Variants in CLEC2B observed in about 807,000 individuals in gnomAD.
CLEC2B encodes the protein C-type (calcium dependent, carbohydrate-recognition domain) lectin, superfamily member 2 (activation-induced).
CLEC2B carries 14 observed loss-of-function variants against 16.2 expected under a neutral mutation model. The observed-to-expected ratio is 0.86, with a 90% CI of 0.57 to 1.35. CLEC2B has a LOEUF of 1.35. Among genes scored for constraint, CLEC2B ranks in the 40% most tolerant of loss-of-function variants. The pLI, the probability that CLEC2B is intolerant of heterozygous loss-of-function variation, is 0.00. For synonymous variants in CLEC2B, 42 were observed against 55.8 expected, an observed-to-expected ratio of 0.75 and a Z score of 1.10; for missense variants, 166 against 182.3, an observed-to-expected ratio of 0.91 and a Z score of 0.52.
At chr12:9,863,148 C>T (rs533043927) in intron 1 of CLEC2B, among the ~76,000 whole-genome samples, 1 of 152,220 alleles carries the variant, frequency 6.6e-6, no homozygotes, top group African/African-American at 2.4e-5. Context: ...CGTCAGTCTT[C>T]CCACACTACT....
chr12:9,858,030 A>C (rs1032648616), intron 2 of CLEC2B, among the ~76,000 whole-genome samples: 2 of 152,054 alleles, frequency 1.3e-5, no homozygotes, highest in African/African-American at 4.8e-5. Flanking sequence ...ATCTACAAAG[A>C]AGCAACAAAA....
intron 2 of CLEC2B, 29 bp downstream of exon 2, chr12:9,862,470 T>A: frequency 7.0e-7 from 1 of 1,431,600 alleles, no homozygotes; most frequent in East Asian, 2.7e-5. Context: ...TAGAAAGCCA[T>A]GAAAAATAAA....
chr12:9,858,776 G>A (rs999435054), intron 2 of CLEC2B, among the ~76,000 whole-genome samples: 9 of 151,746 alleles, frequency 5.9e-5, no homozygotes, highest in African/African-American at 1.9e-4. Context: ...CTCATGTACT[G>A]TCTAATATAA....
chr12:9,856,092 C>T (rs992355306), intron 3 of CLEC2B, among the ~76,000 whole-genome samples: 21 of 152,076 alleles, frequency 1.4e-4, no homozygotes, highest in African/African-American at 4.6e-4. Context: ...GAAGATTTCT[C>T]TTAAGTTCAA....
intron 2 of CLEC2B, among the ~76,000 whole-genome samples, chr12:9,861,838 A>G (rs554651184): frequency 6.6e-6 from 1 of 152,304 alleles, no homozygotes; most frequent in South Asian, 2.1e-4. Context: ...ATAAAATTTT[A>G]TAATATTTAC....
At chr12:9,854,592 C>A in intron 3 of CLEC2B, 108 bp from the exon 4 acceptor site, 1 of 679,620 alleles carries the variant, frequency 1.5e-6, no homozygotes, top group Admixed American at 2.5e-5. Flanking sequence ...AATTGTTCAA[C>A]TCCTGGCCTC....
Position 9,853,071 on chromosome 12 carries a change from A to AAAAAAGAAAGAAAG in CLEC2B, c.*228_*229insCTTTCTTTCTTTTT, listed in dbSNP as rs1555123290. 96 of 264,980 alleles carry AAAAAAGAAAGAAAG rather than the reference A, an allele frequency of 3.6e-4. 4 individuals carry two copies. The highest frequency in any genetic ancestry group is 5.5e-4 in the Non-Finnish European group (79 of 144,068). The allele number at this position is 264,980 out of a possible 1,614,324, so 16.4% of individuals were successfully genotyped here. ...TTACAGTTAAAAAAAGAAAGAAAGA[A>AAAAAAGAAAGAAAG]AGAAAGAAAGAAAGAGAGAGAGAGA... On this transcript the variant is annotated 3_prime_UTR_variant, in exon 5 of 5. Coordinates refer to ENST00000228438, the MANE Select transcript of CLEC2B (RefSeq NM_005127.3).
chr12:9,859,733 A>G (rs138196646), intron 2 of CLEC2B, among the ~76,000 whole-genome samples: 1 of 151,984 alleles, frequency 6.6e-6, no homozygotes, highest in East Asian at 1.9e-4. Flanking sequence ...AATACCTGAT[A>G]ATAGTATTGA....
chr12:9,869,109 A>G (rs944821202), intron 1 of CLEC2B, 96 bp downstream of exon 1: 24 of 152,170 alleles, frequency 1.6e-4, no homozygotes, highest in Non-Finnish European at 2.9e-4. Flanking sequence ...TCACAAAAGA[A>G]ACCACAAAAT....
At chr12:9,866,311 G>T (rs73046774) in intron 1 of CLEC2B, among the ~76,000 whole-genome samples, 1 of 151,964 alleles carries the variant, frequency 6.6e-6, no homozygotes, top group Non-Finnish European at 1.5e-5. Flanking sequence ...ATGTCATTCC[G>T]TTTTTCTCCC....
chr12:9,865,028 C>T (rs1867960128), intron 1 of CLEC2B, among the ~76,000 whole-genome samples: 1 of 151,834 alleles, frequency 6.6e-6, no homozygotes, highest in African/African-American at 2.4e-5. Context: ...ACTAAAAATA[C>T]AAAACTTAGC....
chr12:9,864,611 G>A (rs1867957234), intron 1 of CLEC2B, among the ~76,000 whole-genome samples: 1 of 152,094 alleles, frequency 6.6e-6, no homozygotes, highest in Non-Finnish European at 1.5e-5. Context: ...TGTGATATAA[G>A]TTGTTATCTC....
intron 3 of CLEC2B, among the ~76,000 whole-genome samples, chr12:9,855,264 A>G (rs33870): frequency 0.56 from 84,353 of 151,858 alleles, 23,627 homozygotes; most frequent in African/African-American, 0.6. Flanking sequence ...AATCCTATCT[A>G]CCCCAACAGT....
intron 3 of CLEC2B, 190 bp downstream of exon 3, chr12:9,857,284 T>C (rs937526505): frequency 1.8e-6 from 1 of 568,076 alleles, no homozygotes; most frequent in Non-Finnish European, 3.1e-6. Context: ...TACTTGATGT[T>C]AGTCTTACAT....
intron 2 of CLEC2B, among the ~76,000 whole-genome samples, chr12:9,857,928 G>A (rs1867906739): frequency 6.6e-6 from 1 of 151,956 alleles, no homozygotes; most frequent in Non-Finnish European, 1.5e-5. Flanking sequence ...CCATTTCTAG[G>A]TAAATGAATT....
intron 1 of CLEC2B, among the ~76,000 whole-genome samples, chr12:9,865,046 G>C (rs768875499): frequency 1.3e-5 from 2 of 151,996 alleles, no homozygotes; most frequent in Non-Finnish European, 2.9e-5. Flanking sequence ...AGCTTGGTGT[G>C]GTGGTGTATG....
chr12:9,858,371 C>T (rs945327853), intron 2 of CLEC2B, among the ~76,000 whole-genome samples: 5 of 152,050 alleles, frequency 3.3e-5, no homozygotes, highest in African/African-American at 1.2e-4. Flanking sequence ...ACTTCCAGAT[C>T]TTCCCACATT....
intron 2 of CLEC2B, 79 bp from the exon 3 acceptor site, chr12:9,857,716 T>C (rs949436047): frequency 2.4e-5 from 26 of 1,105,388 alleles, no homozygotes; most frequent in Non-Finnish European, 3.4e-5. Context: ...TGGACACAGG[T>C]TTTTGATGTA....
Position 9,853,075 on chromosome 12 carries a change from A to AAGAAAGAAAG in CLEC2B, c.*215_*224dup, listed in dbSNP as rs1555123308. The AAGAAAGAAAG allele has an allele frequency of 3.0e-4, 118 of 397,486 alleles. No homozygotes were observed. Among genetic ancestry groups the AAGAAAGAAAG allele is most frequent in the East Asian group, 5.8e-4 (13 of 22,230 alleles). 24.6% of individuals were successfully genotyped at this position (397,486 alleles called of 1,614,324 possible). ...AGTTAAAAAAAGAAAGAAAGAAAGA[A>AAGAAAGAAAG]AGAAAGAAAGAGAGAGAGAGAAAGA... is the stretch of plus-strand genomic sequence containing the variant. On this transcript the variant is annotated 3_prime_UTR_variant, in exon 5 of 5. Transcript: ENST00000228438.
Sources: gnomAD v4.1 joint callset for allele counts (sites outside exome capture counted in the v4.1 genomes callset) on GRCh38, gnomAD v4.1.1 for gene constraint, MANE v1.5 for transcripts, NCBI Gene and HGNC (gene_info 2026-07-23, HGNC 2026-07-21) for gene names.